Variants in ANXA2 observed in about 807,000 individuals in gnomAD.
ANXA2 encodes the protein annexin A2, also known as annexin II.
A neutral mutation model predicts 47.3 loss-of-function variants in ANXA2; 28 were observed. The observed-to-expected ratio is 0.59, with a 90% CI of 0.44 to 0.81. The LOEUF (loss-of-function observed/expected upper bound fraction) is 0.81. ANXA2 is among the 40% of genes least tolerant of loss of function. The pLI is 0.00. For missense variants in ANXA2, 384 were observed against 414.3 expected (o/e 0.93, Z 0.64); for synonymous variants, 172 against 155.5 (o/e 1.11, Z -0.79).
chr15:60,354,940 G>A (rs1017310913), intron 7 of ANXA2, among the ~76,000 whole-genome samples: 7 of 152,176 alleles, frequency 4.6e-5, no homozygotes, highest in Non-Finnish European at 7.3e-5. Context: ...CTCTCAGAGG[G>A]CAGAGTCAGC....
rs758348637 is a variant in ANXA2 at position 60,353,237 on chromosome 15, T to C, written c.589-761A>G. Among the ~76,000 whole-genome samples, 8 of 152,378 alleles carry C rather than the reference T, an allele frequency of 5.3e-5. No individual in the cohort carries two copies. The East Asian group carries it at 5.8e-4, about 11-fold the overall frequency. On this transcript the variant is annotated intron_variant, in intron 8 of 12. Transcript: ENST00000451270. ...CCCTCTGAGTAAAGAATATAGTTCA[T>C]TGCAGTCTGAATAAGCTTAACAAAT...
At chr15:60,364,181 G>A (rs1471571416) in intron 4 of ANXA2, among the ~76,000 whole-genome samples, 2 of 152,180 alleles carry the variant, frequency 1.3e-5, no homozygotes, top group African/African-American at 4.8e-5. Context: ...CTGCACACGC[G>A]AGGGATCTAT....
At chr15:60,393,914 CT>C (rs1291672374) in intron 1 of ANXA2, among the ~76,000 whole-genome samples, 15 of 152,146 alleles carry the variant, frequency 9.9e-5, no homozygotes, top group Non-Finnish European at 2.9e-5. Context: ...ATTAGAAAGT[CT>C]TTTTTTCTTC....
At chr15:60,347,890 G>A (rs1895796611) in intron 12 of ANXA2, among the ~76,000 whole-genome samples, 1 of 152,192 alleles carries the variant, frequency 6.6e-6, no homozygotes, top group Admixed American at 6.5e-5. Context: ...GTGGTCGGAG[G>A]AGGTGCTGGG....
chr15:60,367,247 GC>G (rs2062634638), intron 3 of ANXA2, among the ~76,000 whole-genome samples: 1 of 121,636 alleles, frequency 8.2e-6, no homozygotes, highest in Admixed American at 7.7e-5. Context: ...CCGGCCAGCC[GC>G]CCCGTCCGGG....
intron 1 of ANXA2, among the ~76,000 whole-genome samples, chr15:60,397,519 G>A (rs1003643486): frequency 1.3e-5 from 2 of 152,160 alleles, no homozygotes; most frequent in African/African-American, 4.8e-5. Context: ...GCACTTTCTA[G>A]AGGGCAGTGG....
chr15:60,377,466 G>A (rs529932834), intron 3 of ANXA2, among the ~76,000 whole-genome samples: 4 of 152,196 alleles, frequency 2.6e-5, no homozygotes, highest in African/African-American at 4.8e-5. Context: ...GCATACCTCG[G>A]AGATACTACT....
intron 3 of ANXA2, chr15:60,374,416 A>T (rs753659207): frequency 2.2e-6 from 1 of 455,362 alleles, no homozygotes; most frequent in South Asian, 1.6e-5. Context: ...ATGTGAACAG[A>T]TGCGAGAGAA....
At position 60,386,106 on chromosome 15, in the gene ANXA2, A is replaced by G. The variant is rs1448286957; in HGVS notation, c.-11-20T>C. The stretch of plus-strand genomic sequence containing the variant: ...AGGAAGCTGGAAAAAAAGTACAACA[A>G]AAAGTCTTTATGAAGAGGCTCTCCT... On this transcript the variant is annotated intron_variant, in intron 1 of 12. Coordinates refer to ENST00000451270, the MANE Select transcript of ANXA2 (RefSeq NM_004039.3). The G allele has an allele frequency of 1.3e-6, 2 of 1,583,690 alleles. No individual in the cohort carries two copies. The highest frequency in any genetic ancestry group is 1.7e-5 in the Admixed American group (1 of 59,312).
At position 60,348,393 on chromosome 15, in the gene ANXA2, A is replaced by G. The variant is rs79860648; in HGVS notation, c.960+682T>C. Reference sequence around the variant, plus strand: ...CTGATTGGAGAGATGGGAGTTCTGAATAACTGAAAGTTGTTAGGCCTATCC... The same window carrying G: ...CTGATTGGAGAGATGGGAGTTCTGAGTAACTGAAAGTTGTTAGGCCTATCC... On this transcript the variant is annotated intron_variant, in intron 12 of 12. Coordinates refer to ENST00000451270, the MANE Select transcript of ANXA2 (RefSeq NM_004039.3). Among the ~76,000 whole-genome samples, 817 of 152,322 alleles carry G rather than the reference A, an allele frequency of 5.4e-3. 7 individuals are homozygous for G. The highest frequency in any genetic ancestry group is 0.018 in the African/African-American group (752 of 41,564).
rs529638113 is a variant in ANXA2 at position 60,351,301 on chromosome 15, T to C, written c.779-50A>G. The C allele has an allele frequency of 2.7e-5, 43 of 1,581,174 alleles. 1 individual carries two copies. In the South Asian group the frequency reaches 4.3e-4, roughly 16 times the overall value. On this transcript the variant is annotated intron_variant, in intron 10 of 12. Coordinates refer to ENST00000451270, the MANE Select transcript of ANXA2 (RefSeq NM_004039.3). ...GCGCTGCAGCTGCTCTGGTCTCTCC[T>C]CTACCAATGAGAGAGGATGCCCTGG...
chr15:60,353,198 GAGA>G (rs1262595822), intron 8 of ANXA2, among the ~76,000 whole-genome samples: 9 of 152,128 alleles, frequency 5.9e-5, no homozygotes, highest in Non-Finnish European at 1.3e-4. Flanking sequence ...GACTTACTTT[GAGA>G]TAATCGTTGT....
At position 60,382,350 on chromosome 15, in the gene ANXA2, T is replaced by G; in HGVS notation, c.140A>C (p.Lys47Thr). Residue 47 changes from lysine (K) to threonine (T), a missense_variant, in exon 3 of 13, where the codon AAG becomes ACG. Transcript: ENST00000451270. Reference sequence around the variant, plus strand: ...ACAAATGTATCACCTACCTTTGGTCTTGATGGCTGTTTCAATGTTCAAAGC... The same window carrying G: ...ACAAATGTATCACCTACCTTTGGTCGTGATGGCTGTTTCAATGTTCAAAGC... ...RDALNIETAI[K>T]TKGVDEVTIV... 3 of 1,613,492 alleles carry G rather than the reference T, an allele frequency of 1.9e-6. No homozygotes were observed. The highest frequency in any genetic ancestry group is 2.2e-5 in the South Asian group (2 of 91,078).
chr15:60,353,222 A>C (rs1459896079), intron 8 of ANXA2, among the ~76,000 whole-genome samples: 1 of 152,218 alleles, frequency 6.6e-6, no homozygotes, highest in Non-Finnish European at 1.5e-5. Context: ...CCCTCTGAGT[A>C]AAGAATATAG....
chr15:60,351,964 C>T, intron 9 of ANXA2, 145 bp from the exon 10 acceptor site: 1 of 647,780 alleles, frequency 1.5e-6, no homozygotes, highest in South Asian at 1.9e-5. Flanking sequence ...ACCACGGTGA[C>T]CAGAGCCAAC....
intron 1 of ANXA2, chr15:60,395,830 C>T (rs1025511076): frequency 4.6e-5 from 7 of 152,190 alleles, no homozygotes; most frequent in Non-Finnish European, 1.0e-4. Flanking sequence ...AATCACAAAC[C>T]TCCAATTGTA....
At chr15:60,381,527 A>G (rs1319863881) in intron 3 of ANXA2, among the ~76,000 whole-genome samples, 4 of 152,186 alleles carry the variant, frequency 2.6e-5, no homozygotes, top group African/African-American at 9.7e-5. Context: ...TATAATGACC[A>G]TAAGAAGCTC....
chr15:60,397,790 T>C (rs1194587435), intron 1 of ANXA2, 153 bp downstream of exon 1: 2 of 1,163,540 alleles, frequency 1.7e-6, no homozygotes, highest in East Asian at 3.8e-5. Context: ...CCAAAGACTC[T>C]CCAGTGCCGG....
chr15:60,352,797 A>ATC lies in ANXA2; in HGVS notation c.589-323_589-322dup, dbSNP rs1256104842. Among the ~76,000 whole-genome samples, 1 of 152,190 alleles carries ATC rather than the reference A, an allele frequency of 6.6e-6. No homozygotes were observed. The highest frequency in any genetic ancestry group is 1.9e-4 in the East Asian group (1 of 5,188). ...AGAACAAGTAAATGTTCATTAACAC[A>ATC]TCTGGCCCTCCTCCCTTTGGGCACA... On this transcript the variant is annotated intron_variant, in intron 8 of 12. Coordinates refer to ENST00000451270, the MANE Select transcript of ANXA2 (RefSeq NM_004039.3). The surrounding 1 kb of genome is among the most constrained non-coding windows in gnomAD (Gnocchi z 4.2).
Sources: gnomAD v4.1 joint callset for allele counts (sites outside exome capture counted in the v4.1 genomes callset) on GRCh38, gnomAD v4.1.1 for gene constraint, Gnocchi (gnomAD v3.1) non-coding constraint, MANE v1.5 for transcripts, NCBI Gene and HGNC (gene_info 2026-07-23, HGNC 2026-07-21) for gene names.